Variants in GRID1 observed in about 807,000 individuals in gnomAD.
The protein encoded by GRID1 is glutamate receptor ionotropic, delta-1.
In GRID1, 28 loss-of-function variants were observed where a neutral mutation model predicts 98.0. That is an observed-to-expected ratio of 0.29 (90% CI 0.21 to 0.39). GRID1 has a LOEUF of 0.39. Among genes scored for constraint, GRID1 ranks in the 10% least tolerant of loss-of-function variants. GRID1 has a pLI of 1.00. For missense variants in GRID1, 1,111 were observed against 1,340.5 expected (o/e 0.83, Z 2.67); for synonymous variants, 553 against 538.5 (o/e 1.03, Z -0.37).
At chr10:85,779,433 A>G (rs1172692895) in intron 8 of GRID1, among the ~76,000 whole-genome samples, 2 of 152,074 alleles carry the variant, frequency 1.3e-5, no homozygotes, top group Admixed American at 6.5e-5. Flanking sequence ...CTCACTGAGT[A>G]CCCACTGGCT....
chr10:85,887,954 T>G (rs895284429), intron 5 of GRID1, among the ~76,000 whole-genome samples: 2 of 151,988 alleles, frequency 1.3e-5, no homozygotes, highest in Non-Finnish European at 2.9e-5. Flanking sequence ...GCCCTTCCCA[T>G]CATCCCATTC....
intron 3 of GRID1, among the ~76,000 whole-genome samples, chr10:86,164,207 T>G (rs1384420369): frequency 6.6e-6 from 1 of 152,196 alleles, no homozygotes; most frequent in Non-Finnish European, 1.5e-5. Context: ...CAAAAATCAA[T>G]GAGTTTTAAA....
Position 85,979,406 on chromosome 10 carries a change from G to C in GRID1, c.727-63167C>G, listed in dbSNP as rs115092260. ...GGTAGCTAGATCAAACAACACAAAT[G>C]TATTATCTCCCAGTTCTGGAGGATG... is the stretch of plus-strand genomic sequence containing the variant. On this transcript the variant is annotated intron_variant, in intron 4 of 15. Transcript: ENST00000327946. Among the ~76,000 whole-genome samples the C allele has an allele frequency of 6.0e-3, 910 of 152,268 alleles. 12 individuals carry two copies. Among genetic ancestry groups the C allele is most frequent in the African/African-American group, 0.021 (869 of 41,552 alleles).
At chr10:86,065,488 C>T (rs1843707293) in intron 4 of GRID1, among the ~76,000 whole-genome samples, 1 of 152,258 alleles carries the variant, frequency 6.6e-6, no homozygotes, top group South Asian at 2.1e-4. Flanking sequence ...CTCCCAGCCA[C>T]ATGCATTCAA....
At chr10:85,938,055 G>T (rs531931803) in intron 4 of GRID1, among the ~76,000 whole-genome samples, 1 of 152,222 alleles carries the variant, frequency 6.6e-6, no homozygotes, top group African/African-American at 2.4e-5. Flanking sequence ...AATTTGACAA[G>T]CCTTTGAGCT....
chr10:85,942,797 A>AGT (rs1481368169), intron 4 of GRID1, among the ~76,000 whole-genome samples: 1 of 152,210 alleles, frequency 6.6e-6, no homozygotes, highest in Non-Finnish European at 1.5e-5. Context: ...GAGGAGAGGA[A>AGT]GTGAGGCATA....
At chr10:85,698,739 G>T (rs1002875740) in intron 12 of GRID1, among the ~76,000 whole-genome samples, 2 of 152,170 alleles carry the variant, frequency 1.3e-5, no homozygotes, top group South Asian at 4.1e-4. Context: ...AAGAAACTGC[G>T]AACTGTCTGC....
chr10:85,771,351 C>T (rs1842264895), intron 8 of GRID1, among the ~76,000 whole-genome samples: 1 of 152,166 alleles, frequency 6.6e-6, no homozygotes, highest in Non-Finnish European at 1.5e-5. Flanking sequence ...ACAACCGGTA[C>T]CAGCCACTGC....
At chr10:85,670,838 C>T (rs1486825145) in intron 12 of GRID1, among the ~76,000 whole-genome samples, 1 of 152,180 alleles carries the variant, frequency 6.6e-6, no homozygotes, top group African/African-American at 2.4e-5. Context: ...AATTCTCTTC[C>T]CTCTGCTTTG....
At chr10:86,232,383 T>C (rs568414442) in intron 2 of GRID1, among the ~76,000 whole-genome samples, 7 of 152,314 alleles carry the variant, frequency 4.6e-5, no homozygotes, top group Non-Finnish European at 1.0e-4. Context: ...GTCTCTATAA[T>C]GGGGACAGAC....
chr10:85,764,461 T>C (rs1036100932), intron 8 of GRID1, among the ~76,000 whole-genome samples: 1 of 152,164 alleles, frequency 6.6e-6, no homozygotes, highest in Non-Finnish European at 1.5e-5. Flanking sequence ...ATGGACAAGG[T>C]TCCCCTGGTC....
intron 8 of GRID1, among the ~76,000 whole-genome samples, chr10:85,796,075 T>C (rs1333351343): frequency 2.6e-5 from 4 of 152,142 alleles, no homozygotes; most frequent in Admixed American, 1.3e-4. Flanking sequence ...CTTCTCTTCC[T>C]GACAATGTGA....
intron 5 of GRID1, among the ~76,000 whole-genome samples, chr10:85,892,248 C>CATT (rs1841213170): frequency 6.8e-6 from 1 of 148,066 alleles, no homozygotes; most frequent in African/African-American, 2.5e-5. Context: ...ATCAACAGAG[C>CATT]ATTAGTGAGA....
intron 2 of GRID1, among the ~76,000 whole-genome samples, chr10:86,243,957 GCA>G (rs1233005874): frequency 1.3e-5 from 2 of 152,150 alleles, no homozygotes; most frequent in Non-Finnish European, 2.9e-5. Flanking sequence ...ATACATACCT[GCA>G]CATACATGCA....
At chr10:85,885,394 G>A (rs1448148728) in intron 5 of GRID1, among the ~76,000 whole-genome samples, 2 of 152,196 alleles carry the variant, frequency 1.3e-5, no homozygotes, top group African/African-American at 2.4e-5. Context: ...TCCAAAAAGT[G>A]TAAAGTGTGT....
chr10:85,868,929 G>A, intron 6 of GRID1, 81 bp downstream of exon 6: 1 of 1,159,730 alleles, frequency 8.6e-7, no homozygotes, highest in Non-Finnish European at 1.3e-6. Context: ...GCAATAGGAG[G>A]CCCCCACATG....
chr10:85,829,117 G>T (rs1316135882), intron 8 of GRID1, among the ~76,000 whole-genome samples: 1 of 151,916 alleles, frequency 6.6e-6, no homozygotes, highest in Non-Finnish European at 1.5e-5. Flanking sequence ...ACCACAAATG[G>T]GTAGGCTTTA....
At chr10:86,062,964 G>A (rs922342778) in intron 4 of GRID1, among the ~76,000 whole-genome samples, 1 of 152,348 alleles carries the variant, frequency 6.6e-6, no homozygotes, top group African/African-American at 2.4e-5. Context: ...AGGTCTTCAG[G>A]GTGGTGGGTC....
At chr10:85,841,487 A>T (rs979251715) in intron 8 of GRID1, among the ~76,000 whole-genome samples, 11 of 152,312 alleles carry the variant, frequency 7.2e-5, no homozygotes, top group African/African-American at 2.6e-4. Flanking sequence ...GACAAATGGG[A>T]TCTAATTAAA....
Sources: gnomAD v4.1 joint callset for allele counts (sites outside exome capture counted in the v4.1 genomes callset) on GRCh38, gnomAD v4.1.1 for gene constraint, MANE v1.5 for transcripts, NCBI Gene and HGNC (gene_info 2026-07-23, HGNC 2026-07-21) for gene names.